Variants in GREP1 observed in about 807,000 individuals in gnomAD.
GREP1 encodes glycine-rich extracellular protein 1.
At chr16:2,998,437 G>C (rs769568522) in intron 24 of GREP1, 49 bp downstream of exon 22, 46 of 399,096 alleles carry the variant, frequency 1.2e-4, no homozygotes, top group Non-Finnish European at 1.7e-4. Flanking sequence ...CTGCCTCTCA[G>C]CCCTTCTAGC....
At chr16:2,996,439 C>T (rs1480914737) in intron 18 of GREP1, 57 bp from the exon 18 acceptor site, 3 of 398,844 alleles carry the variant, frequency 7.5e-6, no homozygotes, top group Non-Finnish European at 1.3e-5. Context: ...GGGCTGCGTC[C>T]TCCTGACACC....
At position 3,000,711 on chromosome 16, in the gene GREP1, C is replaced by T. The variant is rs1318520093; in HGVS notation, c.1418-3C>T. 7.5e-6 allele frequency: 3 copies of T among 398,884 alleles called. No homozygotes were observed. The highest frequency in any genetic ancestry group is 7.1e-5 in the East Asian group (2 of 28,070). The allele number at this position is 398,884 out of a possible 1,614,324, so 24.7% of individuals were successfully genotyped here. A position where few individuals can be genotyped will look rare whatever the true frequency, so the allele number is the denominator to read the frequency against. ...GTACCCCTGCCAGCTCTCCTCCCCA[C>T]AGGGCAGGCCGGGGTGCTGTGGAAC... On this transcript the variant is annotated splice_region_variant and splice_polypyrimidine_tract_variant and intron_variant, in intron 32 of 34. Transcript: ENST00000573315.
chr16:2,992,562 C>T lies in GREP1; in HGVS notation c.323-243C>T, dbSNP rs1455970450. On this transcript the variant is annotated intron_variant, in intron 8 of 34. Transcript: ENST00000573315. This position sits in a 1 kb window ranked among gnomAD's most constrained non-coding sequence, Gnocchi z 4.9. The stretch of plus-strand genomic sequence containing the variant: ...ACCCAATCTCCCCTGAGCACCCGTC[C>T]CAAGCCAGGCCTCGGCTGGCCATGG... The T allele has an allele frequency of 5.5e-6, 2 of 362,452 alleles. No individual in the cohort carries two copies. The highest frequency in any genetic ancestry group is 4.2e-5 in the African/African-American group (2 of 47,884). 22.5% of individuals were successfully genotyped at this position (362,452 alleles called of 1,614,324 possible).
At position 2,992,946 on chromosome 16, in the gene GREP1, G is replaced by A. The variant is rs2072406370; in HGVS notation, c.368G>A (p.Gly123Glu). The A allele has an allele frequency of 2.5e-6, 1 of 398,990 alleles. No individual in the cohort carries two copies. Among genetic ancestry groups the A allele is most frequent in the Non-Finnish European group, 4.4e-6 (1 of 226,056 alleles). 24.7% of individuals were successfully genotyped at this position (398,990 alleles called of 1,614,324 possible). Reference sequence around the variant, plus strand: ...TTCCCCCCAGGCTTTGGAGGGGGTGGAAAACCCCAGAAGCCAGGTGAGCCA... The same window carrying A: ...TTCCCCCCAGGCTTTGGAGGGGGTGAAAAACCCCAGAAGCCAGGTGAGCCA... The change falls in exon 10 of 35, where the codon GGA becomes GAA. Residue 123 changes from glycine (G) to glutamate (E), a missense_variant. Coordinates refer to ENST00000573315, the Ensembl canonical transcript of GREP1. The surrounding 1 kb of genome is among the most constrained non-coding windows in gnomAD (Gnocchi z 4.9).
intron 25 of GREP1, 86 bp from the exon 24 acceptor site, chr16:2,998,762 G>A: frequency 2.5e-6 from 1 of 398,884 alleles, no homozygotes; most frequent in Non-Finnish European, 4.4e-6. Flanking sequence ...CAGGCCGGTG[G>A]CTTGGCCAGG....
chr16:2,999,795 C>G, intron 27 of GREP1, 107 bp from the exon 25 acceptor site: 1 of 398,600 alleles, frequency 2.5e-6, no homozygotes, highest in Non-Finnish European at 4.4e-6. Context: ...TCCCTGTGGA[C>G]AGGAAAAGTC....
chr16:2,995,004 G>A, intron 13 of GREP1, 42 bp downstream of exon 14: 1 of 399,092 alleles, frequency 2.5e-6, no homozygotes, highest in Non-Finnish European at 4.4e-6. Context: ...CTGCATCTGG[G>A]CGGCCTCTTC....
chr16:3,000,795 G>A, exon 33 of GREP1: 1 of 399,160 alleles, frequency 2.5e-6, no homozygotes, highest in Non-Finnish European at 4.4e-6. Context: ...TATCAGGCTG[G>A]AGATGAATAT....
At position 3,001,121 on chromosome 16, in the gene GREP1, A is replaced by ACAC. The variant is rs1356250240; in HGVS notation, c.1532-160_1532-159insCAC. On this transcript the variant is annotated intron_variant, in intron 33 of 34. Transcript: ENST00000573315. ...AGGGCCATCACGGACTCAGTTCTCC[A>ACAC]TACTCTGTCCCTCTCCCCCCGGTCC... Among the ~76,000 whole-genome samples the ACAC allele has an allele frequency of 5.2e-4, 79 of 152,144 alleles. No individual in the cohort carries two copies. The South Asian group carries it at 6.0e-3, about 12-fold the overall frequency.
At chr16:2,999,342 C>T (rs1418177359) in intron 27 of GREP1, 3 of 398,600 alleles carry the variant, frequency 7.5e-6, no homozygotes, top group African/African-American at 2.1e-5. Context: ...CCCAGAGGGA[C>T]AAACTCTCAG....
rs1350102942 is a variant in GREP1 at position 3,000,546 on chromosome 16, T to C, written c.1358-8T>C. On this transcript the variant is annotated splice_region_variant and splice_polypyrimidine_tract_variant and intron_variant, in intron 31 of 34. Transcript: ENST00000573315. ...GGGCTAGGCGGGAATGACCAGAGTC[T>C]CTTGGAGGGGATGGGGTGGAAGCTC... 1.0e-5 allele frequency: 4 copies of C among 399,060 alleles called. No individual in the cohort carries two copies. In the East Asian group the frequency reaches 1.4e-4, roughly 14 times the overall value. The allele number at this position is 399,060 out of a possible 1,614,324, so 24.7% of individuals were successfully genotyped here.
exon 12 of GREP1, chr16:2,994,812 T>C: frequency 2.5e-6 from 1 of 399,080 alleles, no homozygotes; most frequent in South Asian, 1.3e-4. Flanking sequence ...CCAGGCTATG[T>C]GGGGGCCGTC....
chr16:2,990,350 G>A, intron 5 of GREP1: 1 of 398,738 alleles, frequency 2.5e-6, no homozygotes, highest in Middle Eastern at 6.3e-4. Flanking sequence ...GAATGGCTAT[G>A]GAGCAGGTAG....
chr16:2,998,993 G>A lies in GREP1; in HGVS notation c.1144+14G>A, dbSNP rs748296375. The A allele has an allele frequency of 7.5e-6, 3 of 399,004 alleles. No individual in the cohort carries two copies. In the Admixed American group the frequency reaches 1.3e-4, roughly 18 times the overall value. 24.7% of individuals were successfully genotyped at this position (399,004 alleles called of 1,614,324 possible). ...GCAAGTTACCAGGTCAGTGTGGAGT[G>A]GGGGTGCCTAGGGGGCACTGGGAAG... On this transcript the variant is annotated intron_variant, in intron 26 of 34. Coordinates refer to ENST00000573315, the Ensembl canonical transcript of GREP1.
Position 2,990,134 on chromosome 16 carries a change from G to T in GREP1, c.199+12G>T, listed in dbSNP as rs578068078. The T allele has an allele frequency of 7.5e-6, 3 of 399,198 alleles. No homozygotes were observed. In the East Asian group the frequency reaches 1.1e-4, roughly 14 times the overall value. The allele number at this position is 399,198 out of a possible 1,614,324, so 24.7% of individuals were successfully genotyped here. On this transcript the variant is annotated intron_variant, in intron 5 of 34. Transcript: ENST00000573315. Reference sequence around the variant, plus strand: ...GGGAACCCAGCCAGGTGAGAGCCGTGGGGTCCCCTCCTTCCCTCCCTCCCA... The same window carrying T: ...GGGAACCCAGCCAGGTGAGAGCCGTTGGGTCCCCTCCTTCCCTCCCTCCCA...
chr16:2,996,881 C>T (rs2072427508), intron 20 of GREP1, 172 bp from the exon 20 acceptor site: 1 of 399,434 alleles, frequency 2.5e-6, no homozygotes, highest in Non-Finnish European at 4.4e-6. Flanking sequence ...AGCCCCCTTC[C>T]TGGCCCCTGC....
At chr16:2,998,165 T>G (rs2072436643) in intron 23 of GREP1, among the ~76,000 whole-genome samples, 191 bp from the exon 22 acceptor site, 1 of 151,958 alleles carries the variant, frequency 6.6e-6, no homozygotes, top group Non-Finnish European at 1.5e-5. Flanking sequence ...TCTTCCTGCC[T>G]TCTCCAAGGT....
Position 2,995,859 on chromosome 16 carries a change from TATGGGAAAAGGCTGA to T in GREP1, c.626_640del (p.Tyr209_Arg214delinsTer), listed in dbSNP as rs2151101500. ...ACTCATGCTCCCTCCCTCTCCAGGA[TATGGGAAAAGGCTGA>T]GAGCAGGGGCCTTCCCTGGGGCTGG... On this transcript the variant is annotated stop_gained and inframe_deletion, in exon 18 of 35. Coordinates refer to ENST00000573315, the Ensembl canonical transcript of GREP1. LOFTEE classifies it high-confidence loss of function. 5.0e-6 allele frequency: 2 copies of T among 398,058 alleles called. No homozygotes were observed. Among genetic ancestry groups the T allele is most frequent in the Non-Finnish European group, 8.9e-6 (2 of 225,942 alleles). 24.7% of individuals were successfully genotyped at this position (398,058 alleles called of 1,614,324 possible).
At position 2,992,962 on chromosome 16, in the gene GREP1, A is replaced by T. The variant is rs1377554337; in HGVS notation, c.384A>T (p.Pro128=). Reference sequence around the variant, plus strand: ...GAGGGGGTGGAAAACCCCAGAAGCCAGGTGAGCCACTCCCTGTCCCTGTCT... The same window carrying T: ...GAGGGGGTGGAAAACCCCAGAAGCCTGGTGAGCCACTCCCTGTCCCTGTCT... The change falls in exon 10 of 35, where the codon CCA becomes CCT. Residue 128 remains proline (P), a splice_region_variant and synonymous_variant. Transcript: ENST00000573315. This position sits in a 1 kb window ranked among gnomAD's most constrained non-coding sequence, Gnocchi z 4.9. The T allele has an allele frequency of 7.5e-6, 3 of 398,956 alleles. No homozygotes were observed. Among genetic ancestry groups the T allele is most frequent in the South Asian group, 2.5e-4 (2 of 7,860 alleles). The allele number at this position is 398,956 out of a possible 1,614,324, so 24.7% of individuals were successfully genotyped here. A position where few individuals can be genotyped will look rare whatever the true frequency, so the allele number is the denominator to read the frequency against.
Sources: gnomAD v4.1 joint callset for allele counts (sites outside exome capture counted in the v4.1 genomes callset) on GRCh38, gnomAD v4.1.1 for gene constraint, Gnocchi (gnomAD v3.1) non-coding constraint, MANE v1.5 for transcripts, NCBI Gene and HGNC (gene_info 2026-07-23, HGNC 2026-07-21) for gene names.